The following ANGPTL2 variants were observed in gnomAD, a reference collection of about 807,000 sequenced individuals.
ANGPTL2 encodes the protein angiopoietin-related protein 2.
A neutral mutation model predicts 52.8 loss-of-function variants in ANGPTL2; 25 were observed. The observed-to-expected ratio is 0.47, with a 90% CI of 0.35 to 0.66. The LOEUF (loss-of-function observed/expected upper bound fraction) is 0.66. ANGPTL2 is among the 30% of genes least tolerant of loss of function. The pLI, the probability that ANGPTL2 is intolerant of heterozygous loss-of-function variation, is 0.01. For missense variants in ANGPTL2, 546 were observed against 656.9 expected, an observed-to-expected ratio of 0.83 and a Z score of 1.84; for synonymous variants, 276 against 277.4, an observed-to-expected ratio of 1.00 and a Z score of 0.05.
At chr9:127,115,630 A>G (rs370295369) in intron 1 of ANGPTL2, among the ~76,000 whole-genome samples, 3 of 152,326 alleles carry the variant, frequency 2.0e-5, no homozygotes, top group East Asian at 3.9e-4. Context: ...CCTTGCATCA[A>G]GATTGTCTCT....
At chr9:127,099,444 T>A (rs1474635712) in intron 2 of ANGPTL2, among the ~76,000 whole-genome samples, 2 of 152,208 alleles carry the variant, frequency 1.3e-5, no homozygotes, top group South Asian at 4.1e-4. Flanking sequence ...ACTGTTGAAA[T>A]TGGATCTGCA....
chr9:127,098,096 A>G (rs972561521), intron 2 of ANGPTL2, among the ~76,000 whole-genome samples: 1 of 152,150 alleles, frequency 6.6e-6, no homozygotes, highest in Admixed American at 6.5e-5. Flanking sequence ...ACACGTTACT[A>G]TATTTGCTTT....
chr9:127,098,919 G>C (rs959239447), intron 2 of ANGPTL2, among the ~76,000 whole-genome samples: 1 of 152,188 alleles, frequency 6.6e-6, no homozygotes. Context: ...GTGGAGAAAT[G>C]GGCTCACAAA....
chr9:127,095,195 G>A (rs992082998), intron 2 of ANGPTL2, among the ~76,000 whole-genome samples: 8 of 152,152 alleles, frequency 5.3e-5, no homozygotes, highest in African/African-American at 1.7e-4. Flanking sequence ...TCAGGAGATC[G>A]AGACCATCCT....
chr9:127,105,459 C>T (rs2054131185), intron 2 of ANGPTL2, among the ~76,000 whole-genome samples: 1 of 152,184 alleles, frequency 6.6e-6, no homozygotes, highest in African/African-American at 2.4e-5. Flanking sequence ...ATCAGGGACC[C>T]ACTAGTCACT....
At chr9:127,115,324 G>C (rs1424423128) in intron 1 of ANGPTL2, among the ~76,000 whole-genome samples, 1 of 152,278 alleles carries the variant, frequency 6.6e-6, no homozygotes, top group Admixed American at 6.5e-5. Flanking sequence ...TGAGCAGCTA[G>C]GATTACAGGT....
rs374259456 is a variant in ANGPTL2 at position 127,113,248 on chromosome 9, C to T, written c.-49-4468G>A. On this transcript the variant is annotated intron_variant, in intron 1 of 4. Coordinates refer to ENST00000373425, the MANE Select transcript of ANGPTL2 (RefSeq NM_012098.3). ...GCTCAGTGATTTGCCCAGGAACACA[C>T]GGCAGATAACAGCCAAAGGTGACTG... 3.5e-4 allele frequency among the ~76,000 whole-genome samples: 54 copies of T among 152,260 alleles called. No homozygotes were observed. The East Asian group carries it at 9.6e-3, about 27-fold the overall frequency.
chr9:127,093,965 T>C (rs1205370946), intron 2 of ANGPTL2, 39 bp from the exon 3 acceptor site: 1 of 1,596,494 alleles, frequency 6.3e-7, no homozygotes. Flanking sequence ...CAGACCTGCC[T>C]GTCACCAGGC....
rs773125347 is a variant in ANGPTL2, at chr9:127,089,071, C to G, written c.1350G>C (p.Gly450=). 6.2e-7 allele frequency: 1 copy of G among 1,614,194 alleles called. No individual in the cohort carries two copies. Among genetic ancestry groups the G allele is most frequent in the Non-Finnish European group, 8.5e-7 (1 of 1,180,024 alleles). The part of the protein sequence containing the change: ...YNACAHSNLN[G]VWYRGGHYRS... ...GGTAATGGCCCCCGCGGTACCAGAC[C>G]CCGTTGAGGTTGGAGTGGGCACAGG... Residue 450 remains glycine, a synonymous_variant, in exon 5 of 5, where the codon GGG becomes GGC. Coordinates refer to ENST00000373425, the MANE Select transcript of ANGPTL2 (RefSeq NM_012098.3).
intron 2 of ANGPTL2, among the ~76,000 whole-genome samples, chr9:127,105,343 A>G (rs950084301): frequency 1.2e-4 from 18 of 152,220 alleles, no homozygotes; most frequent in Non-Finnish European, 1.0e-4. Flanking sequence ...ACACTTGGAT[A>G]CACACAGCCC....
Position 127,116,401 on chromosome 9 carries a change from C to T in ANGPTL2, c.-50+5914G>A, listed in dbSNP as rs368703882. 3.9e-5 allele frequency among the ~76,000 whole-genome samples: 6 copies of T among 152,252 alleles called. No homozygotes were observed. In the East Asian group the frequency reaches 5.8e-4, roughly 15 times the overall value. On this transcript the variant is annotated intron_variant, in intron 1 of 4. Coordinates refer to ENST00000373425, the MANE Select transcript of ANGPTL2 (RefSeq NM_012098.3). ...ACACTGCTGTTACTTTTTCACAGTG[C>T]GTTATTTGGGAACCATTTTGAGATT...
chr9:127,121,748 G>A (rs1003997360), intron 1 of ANGPTL2, among the ~76,000 whole-genome samples: 7 of 152,340 alleles, frequency 4.6e-5, no homozygotes, highest in Middle Eastern at 3.4e-3. Context: ...TGATGCGTCC[G>A]TTCCCGTGCT....
intron 1 of ANGPTL2, among the ~76,000 whole-genome samples, chr9:127,121,939 C>G (rs2056140213): frequency 6.6e-6 from 1 of 152,240 alleles, no homozygotes; most frequent in Admixed American, 6.5e-5. Context: ...TTGGGCCACC[C>G]CTGCCTTCTG....
intron 1 of ANGPTL2, among the ~76,000 whole-genome samples, chr9:127,110,383 C>G (rs1310881505): frequency 6.6e-6 from 1 of 152,206 alleles, no homozygotes; most frequent in African/African-American, 2.4e-5. Flanking sequence ...TCCTCAGAGC[C>G]TGTGCTGGTT....
Position 127,088,812 on chromosome 9 carries a change from A to C in ANGPTL2, c.*127T>G. The stretch of plus-strand genomic sequence containing the variant: ...ATCCGCTGCAGTGACTTCGGAAAAC[A>C]GAATCCAGCATCCCGGTCCTCCCAG... On this transcript the variant is annotated 3_prime_UTR_variant, in exon 5 of 5. Coordinates refer to ENST00000373425, the MANE Select transcript of ANGPTL2 (RefSeq NM_012098.3). 9.0e-7 allele frequency: 1 copy of C among 1,116,090 alleles called. No individual in the cohort carries two copies. The highest frequency in any genetic ancestry group is 1.3e-6 in the Non-Finnish European group (1 of 760,520). The allele number at this position is 1,116,090 out of a possible 1,614,324, so 69.1% of individuals were successfully genotyped here. A position where few individuals can be genotyped will look rare whatever the true frequency, so the allele number is the denominator to read the frequency against.
chr9:127,099,969 T>G (rs1341787679), intron 2 of ANGPTL2, among the ~76,000 whole-genome samples: 2 of 152,238 alleles, frequency 1.3e-5, no homozygotes, highest in African/African-American at 4.8e-5. Flanking sequence ...TTACTGGCTC[T>G]AAAATATGAA....
intron 1 of ANGPTL2, among the ~76,000 whole-genome samples, chr9:127,121,851 A>G (rs912150644): frequency 1.3e-5 from 2 of 152,160 alleles, no homozygotes; most frequent in Non-Finnish European, 2.9e-5. Flanking sequence ...GCGCCTCAGC[A>G]CAGCGCTTGC....
chr9:127,108,444 C>A lies in ANGPTL2; in HGVS notation c.288G>T (p.Leu96=), dbSNP rs774589376. 3.1e-6 allele frequency: 5 copies of A among 1,610,148 alleles called. No individual in the cohort carries two copies. Among genetic ancestry groups the A allele is most frequent in the Non-Finnish European group, 4.2e-6 (5 of 1,179,220 alleles). Residue 96 remains leucine, a synonymous_variant, in exon 2 of 5, where the codon CTG becomes CTT. Coordinates refer to ENST00000373425, the MANE Select transcript of ANGPTL2 (RefSeq NM_012098.3). ...TCTCGATCTGCCGCTTCTGCTTGAGCAGCTCATTGTTGAGCAGCTCTAGCT... is the reference window on the plus strand; with the variant it reads ...TCTCGATCTGCCGCTTCTGCTTGAGAAGCTCATTGTTGAGCAGCTCTAGCT... The part of the protein sequence containing the change: ...KQELELLNNE[L]LKQKRQIETL...
Position 127,088,775 on chromosome 9 carries a change from T to G in ANGPTL2, c.*164A>C. 1.3e-6 allele frequency: 1 copy of G among 760,942 alleles called. No individual in the cohort carries two copies. The highest frequency in any genetic ancestry group is 2.2e-6 in the Non-Finnish European group (1 of 461,626). 47.1% of individuals were successfully genotyped at this position (760,942 alleles called of 1,614,324 possible). ...GGAGGGACAGAAAACACCGTATCGA[T>G]TCAGTTCCATCATCCGCTGCAGTGA... On this transcript the variant is annotated 3_prime_UTR_variant, in exon 5 of 5. Transcript: ENST00000373425.
Sources: gnomAD v4.1 joint callset for allele counts (sites outside exome capture counted in the v4.1 genomes callset) on GRCh38, gnomAD v4.1.1 for gene constraint, MANE v1.5 for transcripts, NCBI Gene and HGNC (gene_info 2026-07-23, HGNC 2026-07-21) for gene names.